The following IKZF1 variants were observed in gnomAD, a reference collection of about 807,000 sequenced individuals.
IKZF1 encodes DNA-binding protein Ikaros.
A neutral mutation model predicts 51.7 loss-of-function variants in IKZF1; 10 were observed. That is an observed-to-expected ratio of 0.19 (90% CI 0.12 to 0.33). The LOEUF is 0.33. IKZF1 is among the 10% of genes least tolerant of loss of function. The probability of loss-of-function intolerance (pLI) is 1.00; values close to 1 mark genes in which losing one functional copy is unlikely to be tolerated. For missense variants in IKZF1, 484 were observed against 707.5 expected, an observed-to-expected ratio of 0.68 and a Z score of 3.58; for synonymous variants, 280 against 282.3, an observed-to-expected ratio of 0.99 and a Z score of 0.08.
intron 4 of IKZF1, among the ~76,000 whole-genome samples, chr7:50,381,765 A>G (rs1266574103): frequency 1.3e-5 from 2 of 152,278 alleles, no homozygotes; most frequent in Non-Finnish European, 2.9e-5. Context: ...GTAAAGAAAG[A>G]AAAAGCTAGA....
chr7:50,382,664 C>T lies in IKZF1; in HGVS notation c.546C>T (p.Cys182=), dbSNP rs530073586. The change falls in exon 5 of 8, where the codon TGC becomes TGT. Residue 182 remains cysteine, a synonymous_variant. Coordinates refer to ENST00000331340, the MANE Select transcript of IKZF1 (RefSeq NM_006060.6). ...PFKCHLCNYA[C]RRRDALTGHL... is the part of the protein sequence containing the mutation. Reference sequence around the variant, plus strand: ...AATGCCACCTCTGCAACTACGCCTGCCGCCGGAGGGACGCCCTCACTGGCC... The same window carrying T: ...AATGCCACCTCTGCAACTACGCCTGTCGCCGGAGGGACGCCCTCACTGGCC... The T allele has an allele frequency of 8.7e-6, 14 of 1,612,032 alleles. No homozygotes were observed. In the East Asian group the frequency reaches 3.1e-4, roughly 36 times the overall value.
Position 50,376,487 on chromosome 7 carries a change from T to G in IKZF1, c.161-46T>G. 2.5e-6 allele frequency: 4 copies of G among 1,593,202 alleles called. No homozygotes were observed. Among genetic ancestry groups the G allele is most frequent in the Non-Finnish European group, 3.4e-6 (4 of 1,170,564 alleles). ...GCTGCTGTGTTGTTTTGTTGAGTTT[T>G]TTTTTTGCAATGACACTGAGTGGCC... On this transcript the variant is annotated intron_variant, in intron 3 of 7. Transcript: ENST00000331340. The surrounding 1 kb of genome is among the most constrained non-coding windows in gnomAD (Gnocchi z 4.5).
intron 2 of IKZF1, among the ~76,000 whole-genome samples, chr7:50,319,446 G>A (rs2153364696): frequency 6.6e-6 from 1 of 152,142 alleles, no homozygotes; most frequent in Admixed American, 6.5e-5. Context: ...AGAGAGAGAA[G>A]CTTGAAAAAC....
intron 3 of IKZF1, among the ~76,000 whole-genome samples, chr7:50,371,049 A>G (rs1299110218): frequency 6.6e-6 from 1 of 152,186 alleles, no homozygotes; most frequent in Middle Eastern, 3.2e-3. Flanking sequence ...TGAACCAAGC[A>G]CAATGCCTGC....
chr7:50,392,179 C>T (rs759434508), intron 7 of IKZF1, among the ~76,000 whole-genome samples: 18 of 152,208 alleles, frequency 1.2e-4, no homozygotes, highest in Admixed American at 3.9e-4. Flanking sequence ...CTGGCTCGTC[C>T]GGGGGACACC....
At chr7:50,319,208 T>C in intron 2 of IKZF1, 107 bp downstream of exon 2, 1 of 816,404 alleles carries the variant, frequency 1.2e-6, no homozygotes, top group South Asian at 1.7e-5. Flanking sequence ...GGGGCTATTC[T>C]GCAAAAGAAA....
intron 3 of IKZF1, among the ~76,000 whole-genome samples, chr7:50,345,141 G>T (rs1006280088): frequency 7.2e-5 from 11 of 151,912 alleles, no homozygotes; most frequent in African/African-American, 2.2e-4. Flanking sequence ...AGCCCATAGG[G>T]TATAAATAAT....
intron 1 of IKZF1, among the ~76,000 whole-genome samples, chr7:50,314,033 G>A (rs1286341904): frequency 6.6e-6 from 1 of 152,216 alleles, no homozygotes; most frequent in Non-Finnish European, 1.5e-5. Flanking sequence ...GAGTACCAGT[G>A]GAGAAGGAAG....
intron 3 of IKZF1, among the ~76,000 whole-genome samples, chr7:50,355,752 G>GTGTTTCTCT (rs1803177868): frequency 6.6e-6 from 1 of 152,250 alleles, no homozygotes; most frequent in Non-Finnish European, 1.5e-5. Context: ...GGGCTAGCCA[G>GTGTTTCTCT]TGTTTCTCTT....
At chr7:50,312,345 G>A (rs940825390) in intron 1 of IKZF1, among the ~76,000 whole-genome samples, 1 of 152,140 alleles carries the variant, frequency 6.6e-6, no homozygotes, top group Admixed American at 6.5e-5. Flanking sequence ...TAGACGGGAA[G>A]CCTCTCCTCT....
At chr7:50,313,554 C>G (rs1235670087) in intron 1 of IKZF1, among the ~76,000 whole-genome samples, 1 of 152,132 alleles carries the variant, frequency 6.6e-6, no homozygotes, top group Non-Finnish European at 1.5e-5. Context: ...AGTGTGCGAC[C>G]CCTGCACTGG....
At chr7:50,312,552 C>T (rs539717288) in intron 1 of IKZF1, among the ~76,000 whole-genome samples, 2 of 152,346 alleles carry the variant, frequency 1.3e-5, no homozygotes, top group South Asian at 2.1e-4. Context: ...GCCATCTTTT[C>T]TTATACCTCA....
At chr7:50,341,976 G>C (rs1264080719) in intron 3 of IKZF1, among the ~76,000 whole-genome samples, 30 of 142,024 alleles carry the variant, frequency 2.1e-4, no homozygotes. Context: ...TTATATTGTG[G>C]AAAAAAAAAA....
intron 5 of IKZF1, among the ~76,000 whole-genome samples, chr7:50,384,525 C>T (rs189774716): frequency 8.5e-5 from 13 of 152,348 alleles, no homozygotes; most frequent in Admixed American, 6.5e-4. Flanking sequence ...TGCCTTGTTA[C>T]AGAGGGACAG....
chr7:50,305,068 G>C (rs983829547), intron 1 of IKZF1, 146 bp downstream of exon 1: 1 of 152,566 alleles, frequency 6.6e-6, no homozygotes, highest in Admixed American at 6.5e-5. Flanking sequence ...GACAGTGAGA[G>C]AGTTCACTTC....
At chr7:50,360,158 A>G (rs1804769541) in intron 3 of IKZF1, among the ~76,000 whole-genome samples, 1 of 151,694 alleles carries the variant, frequency 6.6e-6, no homozygotes, top group Admixed American at 6.6e-5. Flanking sequence ...TCTGGAAGGG[A>G]GGGACAGCAG....
intron 7 of IKZF1, 52 bp from the exon 8 acceptor site, chr7:50,399,866 G>T: frequency 6.4e-7 from 1 of 1,556,612 alleles, no homozygotes; most frequent in South Asian, 1.2e-5. Context: ...TGCCAGACCT[G>T]ACCGGTTCCG....
Position 50,402,789 on chromosome 7 carries a change from G to A in IKZF1, c.*2162G>A, listed in dbSNP as rs142339982. On this transcript the variant is annotated 3_prime_UTR_variant, in exon 8 of 8. Transcript: ENST00000331340. ...CTGCTCACAGAAGGGTGTGGCATTT[G>A]GAAACGGGAATAAACAAAATTGCTG... 2.0e-4 allele frequency: 47 copies of A among 230,358 alleles called. No homozygotes were observed. The East Asian group carries it at 2.9e-3, about 14-fold the overall frequency. 14.3% of individuals were successfully genotyped at this position (230,358 alleles called of 1,614,324 possible).
chr7:50,388,945 T>C (rs1055463558), intron 6 of IKZF1, among the ~76,000 whole-genome samples: 18 of 152,220 alleles, frequency 1.2e-4, no homozygotes, highest in African/African-American at 4.1e-4. Flanking sequence ...CCAAGCCCTA[T>C]TGAATACAGT....
Sources: allele counts gnomAD v4.1 joint callset (sites outside exome capture counted in the v4.1 genomes callset), GRCh38; gene constraint gnomAD v4.1.1; non-coding constraint Gnocchi (gnomAD v3.1); transcripts MANE v1.5; gene names NCBI Gene and HGNC (gene_info 2026-07-23, HGNC 2026-07-21).